Variants in FBXL4 observed in about 807,000 individuals in gnomAD.
FBXL4 encodes the protein F-box and leucine rich repeat protein 4.
A neutral mutation model predicts 58.9 loss-of-function variants in FBXL4; 40 were observed. The observed-to-expected ratio is 0.68, with a 90% CI of 0.53 to 0.88. The LOEUF (loss-of-function observed/expected upper bound fraction) is 0.88. Among genes scored for constraint, FBXL4 ranks in the 40% least tolerant of loss-of-function variants. FBXL4 has a pLI of 0.00. For missense variants in FBXL4, 676 were observed against 734.4 expected, an observed-to-expected ratio of 0.92 and a Z score of 0.92; for synonymous variants, 263 against 265.5, an observed-to-expected ratio of 0.99 and a Z score of 0.09.
At position 98,905,421 on chromosome 6, in the gene FBXL4, C is replaced by T; in HGVS notation, c.1103+5G>A. On this transcript the variant is annotated splice_donor_5th_base_variant and intron_variant, in intron 6 of 9. Coordinates refer to ENST00000369244, the MANE Select transcript of FBXL4 (RefSeq NM_001278716.2). Reference sequence around the variant, plus strand: ...AAAAAAACTTCATCAAGGCTTTGTACTAACCTGCTAAATCCTGCAACAGAG... The same window carrying T: ...AAAAAAACTTCATCAAGGCTTTGTATTAACCTGCTAAATCCTGCAACAGAG... 2 of 1,613,814 alleles carry T rather than the reference C, an allele frequency of 1.2e-6. No individual in the cohort carries two copies. The highest frequency in any genetic ancestry group is 1.7e-6 in the Non-Finnish European group (2 of 1,179,746).
At chr6:98,947,574 A>C (rs909169886) in intron 1 of FBXL4, among the ~76,000 whole-genome samples, 4 of 152,202 alleles carry the variant, frequency 2.6e-5, no homozygotes, top group African/African-American at 9.6e-5. Context: ...GCGTAGAAAG[A>C]GCCCGAGGCA....
intron 5 of FBXL4, among the ~76,000 whole-genome samples, chr6:98,908,587 T>A (rs982200827): frequency 2.6e-5 from 4 of 152,184 alleles, no homozygotes; most frequent in Non-Finnish European, 4.4e-5. Context: ...ATTCACAATG[T>A]TCCCATCAAT....
At chr6:98,947,218 A>G (rs1773653811) in intron 1 of FBXL4, among the ~76,000 whole-genome samples, 1 of 152,254 alleles carries the variant, frequency 6.6e-6, no homozygotes, top group South Asian at 2.1e-4. Context: ...AGGAAATCCA[A>G]AACCACCCGT....
chr6:98,908,545 T>C (rs1174708132), intron 5 of FBXL4, among the ~76,000 whole-genome samples: 1 of 152,178 alleles, frequency 6.6e-6, no homozygotes, highest in African/African-American at 2.4e-5. Context: ...ATTACATGCA[T>C]TTAGAAGTTT....
chr6:98,913,221 A>G (rs1772173584), intron 5 of FBXL4, among the ~76,000 whole-genome samples: 1 of 152,196 alleles, frequency 6.6e-6, no homozygotes, highest in South Asian at 2.1e-4. Context: ...CCACACAATA[A>G]TAATGGGAGA....
At position 98,946,907 on chromosome 6, in the gene FBXL4, A is replaced by T. The variant is rs182135350; in HGVS notation, c.-309+899T>A. ...TACAATATGCGGTACAGGATAATGG[A>T]GGCAGGAAGTGAGCCTGAAAGAAAA... On this transcript the variant is annotated intron_variant, in intron 1 of 9. Transcript: ENST00000369244. Among the ~76,000 whole-genome samples the T allele has an allele frequency of 7.5e-4, 115 of 152,336 alleles. 2 individuals are homozygous for T. The highest frequency in any genetic ancestry group is 4.5e-3 in the Admixed American group (69 of 15,306).
At chr6:98,940,992 C>T (rs1338730004) in intron 1 of FBXL4, among the ~76,000 whole-genome samples, 1 of 152,152 alleles carries the variant, frequency 6.6e-6, no homozygotes. Context: ...CATATAGCCA[C>T]TTTGAAAAAC....
At chr6:98,886,987 G>A (rs368209422) in intron 7 of FBXL4, among the ~76,000 whole-genome samples, 12 of 152,274 alleles carry the variant, frequency 7.9e-5, no homozygotes, top group Admixed American at 3.9e-4. Flanking sequence ...GGTGGCTCAC[G>A]CCTATAATTC....
intron 5 of FBXL4, among the ~76,000 whole-genome samples, chr6:98,912,633 T>C (rs1277630889): frequency 2.0e-5 from 3 of 150,412 alleles, no homozygotes; most frequent in Non-Finnish European, 4.4e-5. Context: ...TGCTGAGAGA[T>C]TTTGTCACCA....
chr6:98,942,017 C>A, intron 1 of FBXL4, among the ~76,000 whole-genome samples: 1 of 150,814 alleles, frequency 6.6e-6, no homozygotes. Flanking sequence ...TACAAGAAAC[C>A]TAACATCTAT....
Position 98,894,587 on chromosome 6 carries a change from A to C in FBXL4, c.1317+4681T>G, listed in dbSNP as rs113542974. On this transcript the variant is annotated intron_variant, in intron 7 of 9. Coordinates refer to ENST00000369244, the MANE Select transcript of FBXL4 (RefSeq NM_001278716.2). ...CCCAACACAGATCACCCTCCAACTA[A>C]GGACAAGCCTGTGACAATGCGAGCA... is the stretch of plus-strand genomic sequence containing the variant. Among the ~76,000 whole-genome samples the C allele has an allele frequency of 6.3e-3, 963 of 152,300 alleles. 6 individuals are homozygous for C. The highest frequency in any genetic ancestry group is 9.1e-3 in the Non-Finnish European group (619 of 68,018).
intron 2 of FBXL4, among the ~76,000 whole-genome samples, chr6:98,931,939 G>A (rs184313761): frequency 3.9e-5 from 6 of 152,262 alleles, no homozygotes; most frequent in Middle Eastern, 3.4e-3. Flanking sequence ...GGCAATTTGT[G>A]GTAACCAATG....
At chr6:98,921,667 T>C (rs2128402911) in intron 4 of FBXL4, among the ~76,000 whole-genome samples, 1 of 152,196 alleles carries the variant, frequency 6.6e-6, no homozygotes, top group South Asian at 2.1e-4. Flanking sequence ...ATGACCAAGG[T>C]CCAGGTCATG....
chr6:98,945,394 T>C (rs967402562), intron 1 of FBXL4, among the ~76,000 whole-genome samples: 9 of 152,210 alleles, frequency 5.9e-5, no homozygotes, highest in South Asian at 2.1e-4. Context: ...TATAGAAAAT[T>C]ATAGATGGTA....
chr6:98,903,368 C>T (rs1029052970), intron 6 of FBXL4, among the ~76,000 whole-genome samples: 4 of 152,082 alleles, frequency 2.6e-5, no homozygotes, highest in African/African-American at 9.7e-5. Flanking sequence ...CTCCCTCTTA[C>T]CTCAACTTTT....
chr6:98,937,138 T>C (rs950373385), intron 1 of FBXL4, among the ~76,000 whole-genome samples: 13 of 152,008 alleles, frequency 8.6e-5, no homozygotes, highest in Non-Finnish European at 1.5e-4. Context: ...GGAAAAACCC[T>C]GTCTCTACTA....
intron 4 of FBXL4, among the ~76,000 whole-genome samples, chr6:98,922,974 A>G (rs189767821): frequency 1.3e-5 from 2 of 152,154 alleles, no homozygotes; most frequent in Admixed American, 1.3e-4. Context: ...CCCCCATCTC[A>G]TCAGTTCTAT....
chr6:98,876,062 G>A (rs1358581976), intron 8 of FBXL4, among the ~76,000 whole-genome samples: 1 of 152,152 alleles, frequency 6.6e-6, no homozygotes, highest in Non-Finnish European at 1.5e-5. Flanking sequence ...CCTTGCTGCT[G>A]CTACTCATTG....
At chr6:98,887,548 T>C (rs748197727) in intron 7 of FBXL4, among the ~76,000 whole-genome samples, 40 of 152,188 alleles carry the variant, frequency 2.6e-4, no homozygotes, top group Non-Finnish European at 4.7e-4. Flanking sequence ...TCACAGCAAA[T>C]ATTTTACAGT....
Sources: gnomAD v4.1 joint callset for allele counts (sites outside exome capture counted in the v4.1 genomes callset) on GRCh38, gnomAD v4.1.1 for gene constraint, MANE v1.5 for transcripts, NCBI Gene and HGNC (gene_info 2026-07-23, HGNC 2026-07-21) for gene names.